The following DIP2A variants were observed in gnomAD, a reference collection of about 807,000 sequenced individuals.
The protein encoded by DIP2A is DIP2 acetate--CoA ligase A, also known as disco-interacting protein 2 homolog A.
DIP2A carries 85 observed loss-of-function variants against 177.4 expected under a neutral mutation model. That is an observed-to-expected ratio of 0.48 (90% CI 0.40 to 0.57). The LOEUF (loss-of-function observed/expected upper bound fraction) is 0.57. Among genes scored for constraint, DIP2A ranks in the 20% least tolerant of loss-of-function variants. DIP2A has a pLI of 0.00. For synonymous variants in DIP2A, 886 were observed against 881.8 expected (o/e 1.00, Z -0.08); for missense variants, 1,791 against 2,100.2 (o/e 0.85, Z 2.88).
intron 10 of DIP2A, 31 bp from the exon 11 acceptor site, chr21:46,533,493 C>A (rs758063779): frequency 6.2e-7 from 1 of 1,605,426 alleles, no homozygotes; most frequent in Non-Finnish European, 8.5e-7. Context: ...TGTGAGCACC[C>A]CACCCCACAC....
At chr21:46,541,170 C>G (rs1451186189) in intron 17 of DIP2A, among the ~76,000 whole-genome samples, 1 of 152,090 alleles carries the variant, frequency 6.6e-6, no homozygotes, top group African/African-American at 2.4e-5. Flanking sequence ...GAGGAAACGC[C>G]TGTTGCTCAG....
rs1168353430 is a variant in DIP2A at position 46,497,062 on chromosome 21, C to T, written c.358C>T (p.Arg120Cys). 5 of 1,613,876 alleles carry T rather than the reference C, an allele frequency of 3.1e-6. No individual in the cohort carries two copies. Among genetic ancestry groups the T allele is most frequent in the Admixed American group, 3.3e-5 (2 of 60,002 alleles). Residue 120 changes from arginine to cysteine, a missense_variant, in exon 4 of 38, where the codon CGT (arginine) becomes TGT (cysteine). By Grantham distance (180) the Arg-to-Cys change is radical. Coordinates refer to ENST00000417564, the MANE Select transcript of DIP2A (RefSeq NM_015151.4). ...GAAGATGCCTATGCCTTCGAAGAGACGTTCTGTCCTTGTGCATTCGTCTGT... is the reference window on the plus strand; with the variant it reads ...GAAGATGCCTATGCCTTCGAAGAGATGTTCTGTCCTTGTGCATTCGTCTGT... ...ERKMPMPSKR[R>C]SVLVHSSVET...
chr21:46,535,588 T>A (rs7278089), intron 13 of DIP2A, among the ~76,000 whole-genome samples: 116,737 of 151,852 alleles, frequency 0.77, 45,764 homozygotes, highest in African/African-American at 0.91. Context: ...ATAGAATTTT[T>A]AAAAAAGAAA....
rs1452471339 is a variant in DIP2A at position 46,459,056 on chromosome 21, C to T, written c.-76C>T. 9 of 1,248,648 alleles carry T rather than the reference C, an allele frequency of 7.2e-6. No homozygotes were observed. Among genetic ancestry groups the T allele is most frequent in the African/African-American group, 1.6e-5 (1 of 62,848 alleles). 77.3% of individuals were successfully genotyped at this position (1,248,648 alleles called of 1,614,324 possible). On this transcript the variant is annotated 5_prime_UTR_variant, in exon 1 of 38. In the 5' UTR this introduces an upstream ATG that the reference lacks. Coordinates refer to ENST00000417564, the MANE Select transcript of DIP2A (RefSeq NM_015151.4). ...TAGGTTGTTGGCCTGAGGGGAGCTACGTAGCCGAGGTTTGCGCTGCCGCCG... is the reference window on the plus strand; with the variant it reads ...TAGGTTGTTGGCCTGAGGGGAGCTATGTAGCCGAGGTTTGCGCTGCCGCCG...
intron 34 of DIP2A, 105 bp downstream of exon 34, chr21:46,561,910 T>C: frequency 6.6e-7 from 1 of 1,522,792 alleles, no homozygotes; most frequent in East Asian, 2.3e-5. Context: ...TGAACACAGG[T>C]CGACTTCTGG....
intron 3 of DIP2A, among the ~76,000 whole-genome samples, chr21:46,491,722 C>T (rs985330276): frequency 6.6e-6 from 1 of 152,140 alleles, no homozygotes; most frequent in Non-Finnish European, 1.5e-5. Flanking sequence ...TGAGAGTGGT[C>T]CTAGAAAAGG....
chr21:46,477,543 T>TGTGTGTGTGTGTGTG lies in DIP2A; in HGVS notation c.92-7214_92-7213insGTGTGTGTGTGTGTG, dbSNP rs2055964791. Among the ~76,000 whole-genome samples the TGTGTGTGTGTGTGTG allele has an allele frequency of 5.4e-4, 47 of 87,130 alleles. 1 individual carries two copies. The Middle Eastern group carries it at 0.018, about 33-fold the overall frequency. 57.2% of individuals were successfully genotyped at this position (87,130 alleles called of 152,430 possible). On this transcript the variant is annotated intron_variant, in intron 1 of 37. Transcript: ENST00000417564. ...CTCCGCCTAAAATAAAAAAAAAGAT[T>TGTGTGTGTGTGTGTG]TGTGTGTGTGTGTGTGTGTGTGTGT... is the stretch of plus-strand genomic sequence containing the variant.
At chr21:46,538,051 G>T (rs1174145507) in intron 15 of DIP2A, among the ~76,000 whole-genome samples, 1 of 152,138 alleles carries the variant, frequency 6.6e-6, no homozygotes, top group Non-Finnish European at 1.5e-5. Flanking sequence ...TTGGGTAGGG[G>T]TGGGGGGATT....
At chr21:46,580,211 C>T in the DIP2A span, among the ~76,000 whole-genome samples, 1 of 151,868 alleles carries the variant, frequency 6.6e-6, no homozygotes, top group African/African-American at 2.4e-5. Flanking sequence ...TAATGCCCTT[C>T]TTTTTTTTAA....
At chr21:46,475,490 A>ACCT (rs745654103) in intron 1 of DIP2A, among the ~76,000 whole-genome samples, 12 of 152,224 alleles carry the variant, frequency 7.9e-5, no homozygotes, top group Non-Finnish European at 1.2e-4. Flanking sequence ...AGACATTCAT[A>ACCT]TTGAGCAAGT....
At chr21:46,523,618 A>C (rs1450425953) in intron 8 of DIP2A, among the ~76,000 whole-genome samples, 2 of 114,264 alleles carry the variant, frequency 1.8e-5, no homozygotes, top group African/African-American at 7.0e-5. Context: ...GGCCAAAGGT[A>C]ACCTCCCAGG....
chr21:46,521,719 A>G (rs1345844407), intron 8 of DIP2A, among the ~76,000 whole-genome samples: 8 of 152,242 alleles, frequency 5.3e-5, no homozygotes, highest in African/African-American at 1.9e-4. Context: ...CCAGTATTCA[A>G]TTTATGGAAA....
In DIP2A at chr21:46,539,830, T is replaced by C. The variant is rs770715243; in HGVS notation, c.1922-47T>C. On this transcript the variant is annotated intron_variant, in intron 16 of 37. Transcript: ENST00000417564. ...GCATGTCCAGCCACCCCTTCCCTGC[T>C]GGCCCCCCAGTTAGTGCTGGCGTTC... The C allele has an allele frequency of 1.1e-5, 16 of 1,481,818 alleles. No individual in the cohort carries two copies. In the Admixed American group the frequency reaches 2.7e-4, roughly 25 times the overall value. The allele number at this position is 1,481,818 out of a possible 1,614,324, so 91.8% of individuals were successfully genotyped here. A position where few individuals can be genotyped will look rare whatever the true frequency, so the allele number is the denominator to read the frequency against.
intron 3 of DIP2A, 120 bp downstream of exon 3, chr21:46,490,839 C>A: frequency 7.9e-7 from 1 of 1,261,324 alleles, no homozygotes; most frequent in Non-Finnish European, 1.1e-6. Flanking sequence ...ATTATTTTCA[C>A]ATAAGCAGTA....
intron 17 of DIP2A, 25 bp downstream of exon 17, chr21:46,540,016 CATG>C: frequency 1.3e-6 from 2 of 1,571,532 alleles, no homozygotes; most frequent in Non-Finnish European, 1.8e-6. Context: ...TGCTATGTCT[CATG>C]AGCACTTAGT....
intron 5 of DIP2A, 49 bp from the exon 6 acceptor site, chr21:46,504,312 C>G (rs1378429189): frequency 6.2e-7 from 1 of 1,607,062 alleles, no homozygotes; most frequent in South Asian, 1.1e-5. Flanking sequence ...GCTTAATACT[C>G]ATTTGACTTA....
intron 1 of DIP2A, chr21:46,462,416 C>T (rs935807686): frequency 2.0e-5 from 3 of 152,112 alleles, no homozygotes; most frequent in African/African-American, 7.2e-5. Context: ...TGTCTCTAAA[C>T]GTGGGTTTAG....
chr21:46,467,092 C>G (rs985216537), intron 1 of DIP2A, among the ~76,000 whole-genome samples: 2 of 151,436 alleles, frequency 1.3e-5, no homozygotes, highest in East Asian at 3.9e-4. Flanking sequence ...GTCAGGAGGT[C>G]GAGACCATCC....
At chr21:46,567,250 T>G (rs779123255) in intron 37 of DIP2A, 120 bp from the exon 38 acceptor site, 94 of 1,431,568 alleles carry the variant, frequency 6.6e-5, no homozygotes, top group Non-Finnish European at 6.4e-5. Context: ...TAAATGGCCT[T>G]AAATAGCTGT....
Sources: allele counts gnomAD v4.1 joint callset (sites outside exome capture counted in the v4.1 genomes callset), GRCh38; gene constraint gnomAD v4.1.1; transcripts MANE v1.5; gene names NCBI Gene and HGNC (gene_info 2026-07-23, HGNC 2026-07-21).